DNAJA3: variants seen among roughly 807,000 people sequenced by gnomAD.
DNAJA3 encodes the protein DnaJ heat shock protein family (Hsp40) member A3.
In DNAJA3, 29 loss-of-function variants were observed where a neutral mutation model predicts 54.9. The ratio of observed to expected loss-of-function variants is 0.53; its 90% confidence interval spans 0.39 to 0.72. DNAJA3 has a LOEUF of 0.72. DNAJA3 is among the 30% of genes least tolerant of loss of function. DNAJA3 has a pLI of 0.00. For missense variants in DNAJA3, 708 were observed against 639.4 expected, an observed-to-expected ratio of 1.11 and a Z score of -1.16; for synonymous variants, 302 against 251.4, an observed-to-expected ratio of 1.20 and a Z score of -1.90.
chr16:4,426,187 G>C, intron 1 of DNAJA3, 95 bp downstream of exon 1: 2 of 1,306,486 alleles, frequency 1.5e-6, no homozygotes, highest in East Asian at 3.0e-5. Flanking sequence ...TAGTGGGGTG[G>C]AGGGTGTCTT....
intron 3 of DNAJA3, among the ~76,000 whole-genome samples, chr16:4,439,342 C>G (rs556815946): frequency 6.8e-6 from 1 of 146,728 alleles, no homozygotes; most frequent in Non-Finnish European, 1.5e-5. Flanking sequence ...GGCAACAGAG[C>G]GAGACTCCCA....
chr16:4,436,071 C>G (rs1454343405), intron 2 of DNAJA3, among the ~76,000 whole-genome samples: 6 of 152,304 alleles, frequency 3.9e-5, no homozygotes, highest in African/African-American at 1.4e-4. Context: ...TCCCTGATGA[C>G]TAATGATGGT....
chr16:4,446,810 G>T (rs2056906796), intron 7 of DNAJA3, 76 bp from the exon 8 acceptor site: 1 of 1,578,008 alleles, frequency 6.3e-7, no homozygotes, highest in African/African-American at 1.3e-5. Flanking sequence ...CTGAGCTTGG[G>T]CCTGGCCAGG....
chr16:4,434,886 CT>C (rs202179531), intron 2 of DNAJA3, among the ~76,000 whole-genome samples: 26 of 100,162 alleles, frequency 2.6e-4, no homozygotes, highest in African/African-American at 7.0e-4. Context: ...CCTTTCCTTT[CT>C]TTTTTTTTTT....
chr16:4,454,128 A>G (rs1467900505), intron 10 of DNAJA3, among the ~76,000 whole-genome samples: 1 of 152,224 alleles, frequency 6.6e-6, no homozygotes, highest in Non-Finnish European at 1.5e-5. Flanking sequence ...TCAGGGAGAT[A>G]GACTGCTGAT....
intron 1 of DNAJA3, among the ~76,000 whole-genome samples, chr16:4,429,395 TG>T (rs2056665484): frequency 3.3e-5 from 5 of 152,132 alleles, no homozygotes; most frequent in Admixed American, 3.3e-4. Context: ...AGTTAATTTT[TG>T]TATTTTTAGC....
chr16:4,426,793 A>C (rs1420153236), intron 1 of DNAJA3: 2 of 152,222 alleles, frequency 1.3e-5, no homozygotes, highest in African/African-American at 4.8e-5. Context: ...TTATAAAGAT[A>C]CTGAGGCTTA....
intron 1 of DNAJA3, chr16:4,431,979 T>C (rs1413233482): frequency 1.3e-5 from 2 of 152,028 alleles, no homozygotes; most frequent in African/African-American, 4.8e-5. Flanking sequence ...TTAGCATAGC[T>C]CTAAGGCCCT....
At chr16:4,427,413 A>G (rs1030265697) in intron 1 of DNAJA3, 4 of 152,258 alleles carry the variant, frequency 2.6e-5, no homozygotes, top group Non-Finnish European at 5.9e-5. Context: ...TAATAGTTAC[A>G]TAGTAGACAA....
chr16:4,450,314 T>C lies in DNAJA3; in HGVS notation c.1242-86T>C, dbSNP rs955248472. 88 of 1,126,096 alleles carry C rather than the reference T, an allele frequency of 7.8e-5. No individual in the cohort carries two copies. In the African/African-American group the frequency reaches 1.1e-3, roughly 14 times the overall value. 69.8% of individuals were successfully genotyped at this position (1,126,096 alleles called of 1,614,324 possible). On this transcript the variant is annotated intron_variant, in intron 9 of 11. Transcript: ENST00000262375. ...CCAAGGTTGGGTCCCTCTCTTCCCA[T>C]GTGCTGCGAGGGTGCTGGCTGCCTG...
chr16:4,449,379 TTTC>T (rs2056949227), intron 9 of DNAJA3, among the ~76,000 whole-genome samples: 2 of 151,956 alleles, frequency 1.3e-5, no homozygotes, highest in East Asian at 1.9e-4. Context: ...TATTGTTGAT[TTTC>T]TTCTTTTTTT....
chr16:4,440,131 G>T (rs1357419654), intron 3 of DNAJA3: 1 of 151,900 alleles, frequency 6.6e-6, no homozygotes, highest in Non-Finnish European at 1.5e-5. Flanking sequence ...TTGTGATGGG[G>T]TTTCACCATG....
At chr16:4,454,368 G>A (rs987825446) in intron 10 of DNAJA3, among the ~76,000 whole-genome samples, 4 of 152,154 alleles carry the variant, frequency 2.6e-5, no homozygotes, top group East Asian at 1.9e-4. Context: ...CCTCCCTCCC[G>A]CTTGTTGGCT....
intron 1 of DNAJA3, among the ~76,000 whole-genome samples, chr16:4,429,639 A>G (rs1318589020): frequency 1.3e-5 from 2 of 152,314 alleles, no homozygotes; most frequent in Middle Eastern, 3.4e-3. Context: ...GTTTGAGACC[A>G]GCCTGATCAA....
chr16:4,434,854 GT>G (rs2056753302), intron 2 of DNAJA3, among the ~76,000 whole-genome samples: 2 of 141,372 alleles, frequency 1.4e-5, no homozygotes, highest in South Asian at 4.8e-4. Context: ...CCAGATAAAA[GT>G]TTAGAGGTTT....
intron 1 of DNAJA3, chr16:4,434,100 A>G: frequency 2.8e-6 from 1 of 355,600 alleles, no homozygotes; most frequent in Non-Finnish European, 5.1e-6. Context: ...AATGAGCAAA[A>G]GGGTGAGCCC....
chr16:4,444,839 C>T, intron 7 of DNAJA3, 111 bp downstream of exon 7: 1 of 1,030,448 alleles, frequency 9.7e-7, no homozygotes. Context: ...TCTCGCCATT[C>T]ATGTTTCTGA....
chr16:4,434,141 T>TA (rs985089172), intron 1 of DNAJA3: 80 of 477,550 alleles, frequency 1.7e-4, no homozygotes, highest in African/African-American at 1.4e-3. Flanking sequence ...CATGAGAACT[T>TA]ACTATCGCGA....
In DNAJA3 at chr16:4,449,275, C is replaced by T. The variant is rs149848056; in HGVS notation, c.1241+427C>T. On this transcript the variant is annotated intron_variant, in intron 9 of 11. Coordinates refer to ENST00000262375, the MANE Select transcript of DNAJA3 (RefSeq NM_005147.6). The stretch of plus-strand genomic sequence containing the variant: ...CCTCCCAAAGTGTTGGGATTACAGG[C>T]GTGAGCCACCATGCCCGGCCAGAAT... Among the ~76,000 whole-genome samples the T allele has an allele frequency of 1.5e-3, 229 of 152,064 alleles. 4 individuals are homozygous for T. Among genetic ancestry groups the T allele is most frequent in the African/African-American group, 5.3e-3 (219 of 41,458 alleles).
Sources: gnomAD v4.1 joint callset for allele counts (sites outside exome capture counted in the v4.1 genomes callset) on GRCh38, gnomAD v4.1.1 for gene constraint, MANE v1.5 for transcripts, NCBI Gene and HGNC (gene_info 2026-07-23, HGNC 2026-07-21) for gene names.